Variants in KLF12 observed in about 807,000 individuals in gnomAD.
The protein encoded by KLF12 is KLF transcription factor 12, also known as Krueppel-like factor 12.
KLF12 carries 9 observed loss-of-function variants against 37.8 expected under a neutral mutation model. That is an observed-to-expected ratio of 0.24 (90% CI 0.14 to 0.42). The LOEUF is 0.42. KLF12 is among the 10% of genes least tolerant of loss of function. The pLI is 1.00. For synonymous variants in KLF12, 208 were observed against 202.1 expected (o/e 1.03, Z -0.25); for missense variants, 411 against 516.0 (o/e 0.80, Z 1.97).
intron 5 of KLF12, among the ~76,000 whole-genome samples, chr13:73,775,167 C>T (rs1186414906): frequency 2.0e-5 from 3 of 152,140 alleles, no homozygotes; most frequent in Non-Finnish European, 4.4e-5. Context: ...ATCCACCCAC[C>T]TCGGCCTCCC....
At chr13:74,073,044 G>C (rs2138714688) in intron 1 of KLF12, among the ~76,000 whole-genome samples, 1 of 152,248 alleles carries the variant, frequency 6.6e-6, no homozygotes, top group Non-Finnish European at 1.5e-5. Context: ...GGTTTTATAA[G>C]GGCAGTTCCC....
At chr13:74,239,691 T>C in the KLF12 span, among the ~76,000 whole-genome samples, 2 of 145,342 alleles carry the variant, frequency 1.4e-5, no homozygotes, top group Admixed American at 6.8e-5. Flanking sequence ...TTTACCATTA[T>C]GTAATGGCCT....
intron 3 of KLF12, among the ~76,000 whole-genome samples, chr13:73,928,490 T>C (rs1346670241): frequency 6.6e-6 from 1 of 152,206 alleles, no homozygotes; most frequent in African/African-American, 2.4e-5. Context: ...GCAGTACTTG[T>C]TGCTATTTTT....
intron 3 of KLF12, among the ~76,000 whole-genome samples, chr13:73,928,047 G>A (rs902844108): frequency 3.3e-5 from 5 of 150,280 alleles, no homozygotes; most frequent in African/African-American, 9.8e-5. Flanking sequence ...TAGTAGAGAC[G>A]GGGTTCCCCC....
intron 3 of KLF12, among the ~76,000 whole-genome samples, chr13:73,898,666 A>T (rs985972172): frequency 1.3e-5 from 2 of 152,236 alleles, no homozygotes; most frequent in African/African-American, 2.4e-5. Context: ...GCTTACCCTA[A>T]CCAAAGGTAA....
the KLF12 span, among the ~76,000 whole-genome samples, chr13:74,260,574 T>TAAATAAAATAAAATAAAATAAAATA: frequency 1.0e-5 from 1 of 100,338 alleles, no homozygotes; most frequent in East Asian, 2.6e-4. Flanking sequence ...TAAAATAAAA[T>TAAATAAAATAAAATAAAATAAAATA]AAATAAAATA....
upstream of KLF12, among the ~76,000 whole-genome samples, chr13:74,138,356 A>G (rs1878617908): frequency 1.3e-5 from 2 of 152,188 alleles, no homozygotes; most frequent in South Asian, 4.1e-4. Flanking sequence ...GAAAGTGAAC[A>G]TGTACTGTTA....
chr13:74,047,888 A>C (rs921097305), intron 1 of KLF12, among the ~76,000 whole-genome samples: 7 of 152,214 alleles, frequency 4.6e-5, no homozygotes, highest in African/African-American at 1.7e-4. Flanking sequence ...GCAAACTTAA[A>C]AGGACAGTGG....
Position 73,937,491 on chromosome 13 carries a change from T to C in KLF12, c.123+6490A>G, listed in dbSNP as rs567837704. ...AGCACTGACCCTATAAAAATGCAAA[T>C]AACTCTAGGAAAGGGCACTTTACAT... is the stretch of plus-strand genomic sequence containing the variant. On this transcript the variant is annotated intron_variant, in intron 3 of 7. Coordinates refer to ENST00000377669, the MANE Select transcript of KLF12 (RefSeq NM_007249.5). Among the ~76,000 whole-genome samples the C allele has an allele frequency of 1.5e-4, 23 of 152,290 alleles. No homozygotes were observed. In the South Asian group the frequency reaches 4.6e-3, roughly 30 times the overall value.
chr13:74,094,757 G>A (rs898977392), intron 1 of KLF12, among the ~76,000 whole-genome samples: 3 of 151,904 alleles, frequency 2.0e-5, no homozygotes, highest in African/African-American at 7.3e-5. Flanking sequence ...CCACCACCAC[G>A]CCCAGCTAAT....
chr13:73,971,477 C>T (rs1891337520), intron 2 of KLF12, among the ~76,000 whole-genome samples: 1 of 152,020 alleles, frequency 6.6e-6, no homozygotes, highest in Non-Finnish European at 1.5e-5. Context: ...TCGGCTATAT[C>T]ACTCTTTTCC....
chr13:74,178,786 G>A, the KLF12 span, among the ~76,000 whole-genome samples: 2 of 152,130 alleles, frequency 1.3e-5, no homozygotes, highest in Admixed American at 1.3e-4. Context: ...TTGTCAGGGG[G>A]AGTTTTTCCA....
intron 2 of KLF12, among the ~76,000 whole-genome samples, chr13:73,967,538 T>C (rs771795184): frequency 1.3e-5 from 2 of 152,196 alleles, no homozygotes; most frequent in Admixed American, 6.5e-5. Flanking sequence ...GCATCTGATA[T>C]AGATAACCCC....
intron 3 of KLF12, among the ~76,000 whole-genome samples, chr13:73,895,907 G>A (rs1052869181): frequency 6.7e-6 from 1 of 150,364 alleles, no homozygotes; most frequent in African/African-American, 2.5e-5. Flanking sequence ...CGCAACCTTC[G>A]CCTTCTGGAT....
chr13:73,787,506 T>C (rs1881424506), intron 5 of KLF12, among the ~76,000 whole-genome samples: 1 of 152,236 alleles, frequency 6.6e-6, no homozygotes, highest in African/African-American at 2.4e-5. Context: ...TTTCTTGAGT[T>C]CTTGCTCTGT....
In KLF12 at chr13:73,852,955, C is replaced by T. The variant is rs1156831896; in HGVS notation, c.124-6582G>A. Among the ~76,000 whole-genome samples, 6 of 150,820 alleles carry T rather than the reference C, an allele frequency of 4.0e-5. No individual in the cohort carries two copies. The East Asian group carries it at 1.0e-3, about 25-fold the overall frequency. On this transcript the variant is annotated intron_variant, in intron 3 of 7. Coordinates refer to ENST00000377669, the MANE Select transcript of KLF12 (RefSeq NM_007249.5). ...CGCGATCTCAGCTCATTGCAAGCTC[C>T]GCCTGCCGGGTTCATGCCATTCTCC...
At chr13:73,812,082 T>TAA (rs1882967540) in intron 5 of KLF12, among the ~76,000 whole-genome samples, 1 of 152,170 alleles carries the variant, frequency 6.6e-6, no homozygotes, top group Non-Finnish European at 1.5e-5. Flanking sequence ...TAACAGTGGC[T>TAA]ATTTAAACCC....
intron 3 of KLF12, among the ~76,000 whole-genome samples, chr13:73,868,791 C>A (rs530525239): frequency 2.8e-4 from 43 of 152,278 alleles, no homozygotes; most frequent in Admixed American, 2.4e-3. Context: ...TTGTTTCAAA[C>A]ACTTATCAAA....
intron 6 of KLF12, among the ~76,000 whole-genome samples, chr13:73,738,095 A>ATG: frequency 1.7e-5 from 1 of 59,556 alleles, no homozygotes; most frequent in East Asian, 5.5e-4. Flanking sequence ...ATGTGTACAT[A>ATG]TATATATATA....
Sources: allele counts gnomAD v4.1 joint callset (sites outside exome capture counted in the v4.1 genomes callset), GRCh38; gene constraint gnomAD v4.1.1; transcripts MANE v1.5; gene names NCBI Gene and HGNC (gene_info 2026-07-23, HGNC 2026-07-21).